AUTS2: variants seen among roughly 807,000 people sequenced by gnomAD.
The protein encoded by AUTS2 is activator of transcription and developmental regulator AUTS2.
Under a neutral mutation model 112.4 loss-of-function variants are expected in AUTS2, and 17 were observed. The ratio of observed to expected loss-of-function variants is 0.15; its 90% confidence interval spans 0.10 to 0.23. AUTS2 has a LOEUF of 0.23. Among genes scored for constraint, AUTS2 ranks in the 10% least tolerant of loss-of-function variants. The probability of loss-of-function intolerance (pLI) is 1.00; values close to 1 mark genes in which losing one functional copy is unlikely to be tolerated. For missense variants in AUTS2, 1,510 were observed against 1,701.6 expected, an observed-to-expected ratio of 0.89 and a Z score of 1.98; for synonymous variants, 751 against 702.7, an observed-to-expected ratio of 1.07 and a Z score of -1.09.
chr7:70,713,764 G>A (rs560179301), intron 6 of AUTS2, among the ~76,000 whole-genome samples: 3 of 152,212 alleles, frequency 2.0e-5, no homozygotes, highest in South Asian at 4.2e-4. Context: ...GCGTGGTGGC[G>A]GGAGCCTTGT....
chr7:69,676,896 A>C (rs896647429), intron 1 of AUTS2, among the ~76,000 whole-genome samples: 1 of 151,670 alleles, frequency 6.6e-6, no homozygotes, highest in African/African-American at 2.4e-5. Context: ...TTTTCACAGA[A>C]GGGTAAAGGA....
intron 1 of AUTS2, among the ~76,000 whole-genome samples, chr7:69,889,973 C>T (rs1794447612): frequency 6.6e-6 from 1 of 152,166 alleles, no homozygotes; most frequent in South Asian, 2.1e-4. Flanking sequence ...TTTTCTGCCT[C>T]AGTCATGCTG....
At chr7:69,747,665 G>T (rs1787550667) in intron 1 of AUTS2, among the ~76,000 whole-genome samples, 1 of 152,090 alleles carries the variant, frequency 6.6e-6, no homozygotes, top group Non-Finnish European at 1.5e-5. Context: ...CCTGAGATTT[G>T]CCACCACCGC....
chr7:69,943,170 T>C (rs778347408), intron 2 of AUTS2, among the ~76,000 whole-genome samples: 1 of 152,184 alleles, frequency 6.6e-6, no homozygotes, highest in Non-Finnish European at 1.5e-5. Context: ...GATTAAGATA[T>C]AAGGATGTTG....
rs145073805 is a variant in AUTS2, at chr7:69,719,206, T to C, written c.309+119244T>C. On this transcript the variant is annotated intron_variant, in intron 1 of 18. Transcript: ENST00000342771. The stretch of plus-strand genomic sequence containing the variant: ...TCTTGTTTTACTCTCTGGGGTCATA[T>C]TGAATAAATCTAATTTCTTCTTTCA... Among the ~76,000 whole-genome samples, 1,200 of 152,370 alleles carry C rather than the reference T, an allele frequency of 7.9e-3. 14 individuals carry two copies. Among genetic ancestry groups the C allele is most frequent in the South Asian group, 0.019 (91 of 4,824 alleles).
At chr7:70,057,386 C>T (rs919968151) in intron 2 of AUTS2, among the ~76,000 whole-genome samples, 3 of 152,072 alleles carry the variant, frequency 2.0e-5, no homozygotes, top group South Asian at 4.1e-4. Flanking sequence ...GCCGGCTGAC[C>T]GGACTGGTAT....
chr7:69,843,178 C>G (rs1012866663), intron 1 of AUTS2, among the ~76,000 whole-genome samples: 1 of 152,072 alleles, frequency 6.6e-6, no homozygotes, highest in African/African-American at 2.4e-5. Flanking sequence ...CATTTGAAGT[C>G]AGGTAGACTT....
At chr7:70,732,071 G>A (rs549891310) in intron 6 of AUTS2, among the ~76,000 whole-genome samples, 31 of 152,208 alleles carry the variant, frequency 2.0e-4, no homozygotes, top group South Asian at 1.7e-3. Context: ...CTAGTGTCGG[G>A]TGTTGCATCT....
chr7:70,105,461 G>A (rs1804718151), intron 2 of AUTS2, among the ~76,000 whole-genome samples: 2 of 152,036 alleles, frequency 1.3e-5, no homozygotes, highest in South Asian at 4.2e-4. Context: ...GTCTTGCTAT[G>A]TTTCCCACGC....
At chr7:69,662,277 GC>G (rs1309133614) in intron 1 of AUTS2, among the ~76,000 whole-genome samples, 10 of 151,900 alleles carry the variant, frequency 6.6e-5, no homozygotes, top group African/African-American at 2.2e-4. Context: ...TCCTGGAAGA[GC>G]CGACCAACTT....
intron 4 of AUTS2, among the ~76,000 whole-genome samples, chr7:70,210,070 C>A (rs1753691974): frequency 6.6e-6 from 1 of 152,048 alleles, no homozygotes; most frequent in Non-Finnish European, 1.5e-5. Flanking sequence ...AGGAATTAAA[C>A]CGTGTGCATT....
At chr7:69,853,589 G>A (rs1161140916) in intron 1 of AUTS2, among the ~76,000 whole-genome samples, 2 of 151,846 alleles carry the variant, frequency 1.3e-5, no homozygotes, top group Admixed American at 6.6e-5. Context: ...ATTTTAATTG[G>A]TATATTTAGT....
intron 5 of AUTS2, among the ~76,000 whole-genome samples, chr7:70,697,559 T>C (rs1296356222): frequency 3.5e-5 from 2 of 56,604 alleles, no homozygotes; most frequent in Admixed American, 1.7e-4. Flanking sequence ...CACTTCAGAA[T>C]TCCCCCCCCC....
At chr7:70,488,029 C>T (rs898656356) in intron 5 of AUTS2, among the ~76,000 whole-genome samples, 3 of 152,152 alleles carry the variant, frequency 2.0e-5, no homozygotes, top group African/African-American at 4.8e-5. Context: ...CTGCTCAGAA[C>T]GGAGCCGAGT....
At chr7:70,339,538 T>C (rs979915133) in intron 4 of AUTS2, among the ~76,000 whole-genome samples, 3 of 152,208 alleles carry the variant, frequency 2.0e-5, no homozygotes, top group African/African-American at 7.2e-5. Context: ...TATGAATTAA[T>C]GAAAACAAAA....
intron 4 of AUTS2, among the ~76,000 whole-genome samples, chr7:70,378,874 A>G (rs753864921): frequency 4.6e-5 from 7 of 152,256 alleles, no homozygotes; most frequent in African/African-American, 1.2e-4. Context: ...GTTAAAAGCT[A>G]TAAGTATATG....
At chr7:70,435,644 T>C in intron 4 of AUTS2, 108 bp from the exon 5 acceptor site, 1 of 1,097,758 alleles carries the variant, frequency 9.1e-7, no homozygotes, top group Non-Finnish European at 1.4e-6. Context: ...TTTTATTTCC[T>C]TTACTTATCT....
intron 2 of AUTS2, among the ~76,000 whole-genome samples, chr7:70,117,111 TTTTTTG>T (rs1426665060): frequency 8.1e-5 from 8 of 98,256 alleles, no homozygotes; most frequent in African/African-American, 3.6e-4. Context: ...TTTGTTTTTT[TTTTTTG>T]TTTTTTTTTG....
intron 1 of AUTS2, among the ~76,000 whole-genome samples, chr7:69,691,167 A>T (rs1027606419): frequency 1.3e-5 from 2 of 152,116 alleles, no homozygotes; most frequent in Non-Finnish European, 2.9e-5. Flanking sequence ...TGATTGGTCC[A>T]TGGGTGGCCA....
Sources: allele counts gnomAD v4.1 joint callset (sites outside exome capture counted in the v4.1 genomes callset), GRCh38; gene constraint gnomAD v4.1.1; transcripts MANE v1.5; gene names NCBI Gene and HGNC (gene_info 2026-07-23, HGNC 2026-07-21).